ATF1: variants seen among roughly 807,000 people sequenced by gnomAD.
ATF1 encodes activating transcription factor 1, also known as cyclic AMP-dependent transcription factor ATF-1.
Under a neutral mutation model 34.7 loss-of-function variants are expected in ATF1, and 16 were observed. The observed-to-expected ratio is 0.46, with a 90% confidence interval of 0.31 to 0.70. The LOEUF (loss-of-function observed/expected upper bound fraction) is 0.70, where lower values mean the gene tolerates loss of function less well. Among genes scored for constraint, ATF1 ranks in the 30% least tolerant of loss-of-function variants. ATF1 has a pLI of 0.05. For missense variants in ATF1, 255 were observed against 321.6 expected (o/e 0.79, Z 1.58); for synonymous variants, 105 against 113.1 (o/e 0.93, Z 0.46).
intron 4 of ATF1, among the ~76,000 whole-genome samples, chr12:50,810,447 C>G (rs1941713631): frequency 6.6e-6 from 1 of 150,608 alleles, no homozygotes. Flanking sequence ...CAAACTCCTC[C>G]TGACCTGAAG....
intron 3 of ATF1, 59 bp downstream of exon 3, chr12:50,796,068 G>A: frequency 7.1e-7 from 1 of 1,401,120 alleles, no homozygotes; most frequent in Non-Finnish European, 9.9e-7. Flanking sequence ...GAGTTCAAGA[G>A]GTGCTGTGCA....
chr12:50,792,470 G>T (rs1437596473), intron 2 of ATF1, among the ~76,000 whole-genome samples: 1 of 152,118 alleles, frequency 6.6e-6, no homozygotes, highest in Non-Finnish European at 1.5e-5. Flanking sequence ...CAGATTCAGG[G>T]GGTCATCCAG....
intron 2 of ATF1, among the ~76,000 whole-genome samples, chr12:50,787,165 T>G (rs78125935): frequency 6.7e-4 from 102 of 152,330 alleles, no homozygotes; most frequent in African/African-American, 2.4e-3. Flanking sequence ...CTATTTACTT[T>G]AGTCTCTAGT....
intron 3 of ATF1, among the ~76,000 whole-genome samples, chr12:50,798,819 A>G (rs1482550946): frequency 6.6e-6 from 1 of 152,208 alleles, no homozygotes; most frequent in Non-Finnish European, 1.5e-5. Flanking sequence ...TGCTGGGAAA[A>G]AAAGTATTTG....
intron 1 of ATF1, among the ~76,000 whole-genome samples, chr12:50,779,527 A>G (rs1177819431): frequency 6.7e-6 from 1 of 149,748 alleles, no homozygotes; most frequent in Non-Finnish European, 1.5e-5. Context: ...ATCTTTTCAT[A>G]AGCTTTCTGG....
chr12:50,806,152 GAAAAAAAA>G, intron 3 of ATF1, among the ~76,000 whole-genome samples: 1 of 106,868 alleles, frequency 9.4e-6, no homozygotes. Flanking sequence ...CTGTCTCAAA[GAAAAAAAA>G]AAAAAAGAAA....
At chr12:50,796,036 G>C in intron 3 of ATF1, 27 bp downstream of exon 3, 2 of 1,542,446 alleles carry the variant, frequency 1.3e-6, no homozygotes, top group Non-Finnish European at 1.8e-6. Flanking sequence ...ATGAAGCCCT[G>C]CATGTTATGA....
At chr12:50,796,097 A>G in intron 3 of ATF1, 88 bp downstream of exon 3, 2 of 1,072,326 alleles carry the variant, frequency 1.9e-6, no homozygotes, top group Non-Finnish European at 2.7e-6. Flanking sequence ...TAAAGAAGTT[A>G]GCACGCGTCA....
chr12:50,772,362 T>A (rs1940795030), intron 1 of ATF1, among the ~76,000 whole-genome samples: 1 of 151,170 alleles, frequency 6.6e-6, no homozygotes, highest in Non-Finnish European at 1.5e-5. Flanking sequence ...GTTTCACTGT[T>A]GTTGCCCAGG....
intron 3 of ATF1, among the ~76,000 whole-genome samples, chr12:50,797,881 G>GAAACTACTTAAT (rs1375825232): frequency 6.6e-6 from 1 of 152,014 alleles, no homozygotes; most frequent in Non-Finnish European, 1.5e-5. Flanking sequence ...ACTGATTTAA[G>GAAACTACTTAAT]AAACTACTTA....
intron 2 of ATF1, among the ~76,000 whole-genome samples, chr12:50,783,122 A>C (rs1032143897): frequency 6.6e-6 from 1 of 152,182 alleles, no homozygotes; most frequent in Non-Finnish European, 1.5e-5. Context: ...ATGGATTGTT[A>C]TTGTATTTTG....
chr12:50,809,556 A>G lies in ATF1; in HGVS notation c.295A>G (p.Thr99Ala). ...TGCTGTCACTTCTATGTCTGTTCCA[A>G]CTCCCATCTATCAGACTAGCAGCGG... ...SAAVTSMSVP[T>A]PIYQTSSGQY... is the part of the protein sequence containing the mutation. Residue 99 changes from threonine to alanine, a missense_variant, in exon 4 of 7, where the codon ACT (threonine) becomes GCT (alanine). Thr to Ala is a moderately conservative substitution (Grantham distance 58). Around this residue, in one of 2 missense-constraint regions of ATF1, gnomAD observed 221 missense variants for 250.7 expected, o/e 0.88. Transcript: ENST00000262053. 3 of 1,613,706 alleles carry G rather than the reference A, an allele frequency of 1.9e-6. No homozygotes were observed. In the Middle Eastern group the frequency reaches 5.0e-4, roughly 267 times the overall value.
intron 2 of ATF1, among the ~76,000 whole-genome samples, chr12:50,792,015 G>A (rs115723754): frequency 0.01 from 1,590 of 152,160 alleles, 29 homozygotes; most frequent in African/African-American, 0.037. Flanking sequence ...CTTCAGAATA[G>A]CATGTGCTAA....
chr12:50,797,813 A>G lies in ATF1; in HGVS notation c.194+1804A>G, dbSNP rs138058300. Among the ~76,000 whole-genome samples the G allele has an allele frequency of 2.4e-4, 36 of 152,244 alleles. No individual in the cohort carries two copies. The South Asian group carries it at 2.9e-3, about 12-fold the overall frequency. On this transcript the variant is annotated intron_variant, in intron 3 of 6. Transcript: ENST00000262053. ...AAGAGAAAGTAACTTTTGACCTGGAATTCTGTGCCTACTGAACAGTCTTTC... is the reference window on the plus strand; with the variant it reads ...AAGAGAAAGTAACTTTTGACCTGGAGTTCTGTGCCTACTGAACAGTCTTTC...
intron 2 of ATF1, among the ~76,000 whole-genome samples, chr12:50,780,715 C>T (rs957719351): frequency 6.6e-6 from 1 of 151,380 alleles, no homozygotes; most frequent in South Asian, 2.1e-4. Context: ...GTAATCCTAG[C>T]ACTTTGGGAA....
intron 2 of ATF1, among the ~76,000 whole-genome samples, chr12:50,787,525 G>T (rs1370113104): frequency 6.6e-6 from 1 of 151,940 alleles, no homozygotes; most frequent in Non-Finnish European, 1.5e-5. Context: ...TTGAGCTCAA[G>T]AGTTCAAGAC....
chr12:50,776,638 T>TA (rs1375307737), intron 1 of ATF1, among the ~76,000 whole-genome samples: 13 of 152,122 alleles, frequency 8.5e-5, no homozygotes, highest in African/African-American at 1.7e-4. Context: ...TTAATTATTT[T>TA]AAAAAAATTT....
At chr12:50,797,342 A>G (rs151149757) in intron 3 of ATF1, among the ~76,000 whole-genome samples, 326 of 152,358 alleles carry the variant, frequency 2.1e-3, no homozygotes, top group Admixed American at 3.8e-3. Flanking sequence ...CACCAAGGAT[A>G]AACCTGAGAT....
At chr12:50,795,885 A>G (rs1250030512) in intron 2 of ATF1, 24 bp from the exon 3 acceptor site, 3 of 1,569,938 alleles carry the variant, frequency 1.9e-6, no homozygotes, top group Non-Finnish European at 2.6e-6. Context: ...ATTGTTCATC[A>G]TGTTAATGCC....
Sources: gnomAD v4.1 joint callset for allele counts (sites outside exome capture counted in the v4.1 genomes callset) on GRCh38, gnomAD v4.1.1 for gene constraint, gnomAD v4.1.1 regional missense constraint, MANE v1.5 for transcripts, NCBI Gene and HGNC (gene_info 2026-07-23, HGNC 2026-07-21) for gene names.